The following HPSE2 variants were observed in gnomAD, a reference collection of about 807,000 sequenced individuals.
HPSE2 encodes inactive heparanase-2.
HPSE2 carries 38 observed loss-of-function variants against 60.5 expected under a neutral mutation model. The observed-to-expected ratio is 0.63, with a 90% confidence interval of 0.48 to 0.82. The LOEUF (loss-of-function observed/expected upper bound fraction) is 0.82. Among genes scored for constraint, HPSE2 ranks in the 40% least tolerant of loss-of-function variants. HPSE2 has a pLI of 0.00. For missense variants in HPSE2, 713 were observed against 740.4 expected (o/e 0.96, Z 0.43); for synonymous variants, 295 against 293.2 (o/e 1.01, Z -0.06).
chr10:98,889,649 A>G (rs2134925313), intron 3 of HPSE2, among the ~76,000 whole-genome samples: 1 of 152,328 alleles, frequency 6.6e-6, no homozygotes, highest in Admixed American at 6.5e-5. Context: ...TGCAAAAGTC[A>G]CTGGTCAAGG....
Position 99,039,348 on chromosome 10 carries a change from A to C in HPSE2, c.610+104890T>G, listed in dbSNP as rs574026725. 2.6e-5 allele frequency among the ~76,000 whole-genome samples: 4 copies of C among 152,194 alleles called. No individual in the cohort carries two copies. In the East Asian group the frequency reaches 7.7e-4, roughly 29 times the overall value. On this transcript the variant is annotated intron_variant, in intron 3 of 11. Coordinates refer to ENST00000370552, the MANE Select transcript of HPSE2 (RefSeq NM_021828.5). The stretch of plus-strand genomic sequence containing the variant: ...TCACTCCTTGCTACCACTTATCTCA[A>C]CTGTCTTGAATACGACACCAACCAT...
At chr10:98,960,740 ATTTT>A (rs63389761) in intron 3 of HPSE2, among the ~76,000 whole-genome samples, 1 of 95,918 alleles carries the variant, frequency 1.0e-5, no homozygotes, top group Non-Finnish European at 1.9e-5. Flanking sequence ...TTTTTATTTT[ATTTT>A]TTTTTTTATT....
intron 9 of HPSE2, among the ~76,000 whole-genome samples, chr10:98,528,377 C>T (rs2133793449): frequency 6.6e-6 from 1 of 152,250 alleles, no homozygotes; most frequent in Non-Finnish European, 1.5e-5. Flanking sequence ...TAGATACTTA[C>T]ATTCTCTGAG....
At chr10:98,868,078 A>G (rs866899475) in intron 3 of HPSE2, among the ~76,000 whole-genome samples, 1 of 140,220 alleles carries the variant, frequency 7.1e-6, no homozygotes, top group East Asian at 2.1e-4. Context: ...AGAAAGAAAG[A>G]AAATAAATAA....
intron 3 of HPSE2, among the ~76,000 whole-genome samples, chr10:98,886,825 A>G (rs140836658): frequency 2.2e-4 from 33 of 152,282 alleles, no homozygotes; most frequent in Non-Finnish European, 4.1e-4. Flanking sequence ...CCTCAATTCA[A>G]CAGGGAACTG....
chr10:99,160,372 G>C (rs576991568), intron 2 of HPSE2, among the ~76,000 whole-genome samples: 1 of 152,118 alleles, frequency 6.6e-6, no homozygotes, highest in Admixed American at 6.5e-5. Context: ...ACCACAATGA[G>C]ATACTACTAC....
chr10:98,513,899 C>G (rs1432154023), intron 9 of HPSE2, among the ~76,000 whole-genome samples: 1 of 152,096 alleles, frequency 6.6e-6, no homozygotes, highest in Non-Finnish European at 1.5e-5. Flanking sequence ...AATTCCACTC[C>G]TAGGCATATA....
At chr10:98,486,214 A>G (rs916109284) in intron 10 of HPSE2, among the ~76,000 whole-genome samples, 19 of 152,190 alleles carry the variant, frequency 1.2e-4, no homozygotes, top group Non-Finnish European at 2.2e-4. Context: ...CCAACCTGAA[A>G]GTAGTGTGTT....
chr10:99,111,401 T>C (rs1480447759), intron 3 of HPSE2, among the ~76,000 whole-genome samples: 1 of 152,154 alleles, frequency 6.6e-6, no homozygotes, highest in Non-Finnish European at 1.5e-5. Flanking sequence ...CTCCACAAAA[T>C]TAGGACCCAC....
intron 9 of HPSE2, among the ~76,000 whole-genome samples, chr10:98,600,775 C>T (rs1254641889): frequency 4.2e-5 from 6 of 144,420 alleles, no homozygotes; most frequent in Non-Finnish European, 6.1e-5. Context: ...CACATATATA[C>T]ATACATAAAC....
chr10:98,539,452 C>T (rs1943391473), intron 9 of HPSE2, among the ~76,000 whole-genome samples: 1 of 152,066 alleles, frequency 6.6e-6, no homozygotes, highest in Non-Finnish European at 1.5e-5. Context: ...ACCCGGGAGG[C>T]GGAGGTTGCA....
At position 98,977,543 on chromosome 10, in the gene HPSE2, T is replaced by A. The variant is rs539275012; in HGVS notation, c.610+166695A>T. On this transcript the variant is annotated intron_variant, in intron 3 of 11. Transcript: ENST00000370552. The stretch of plus-strand genomic sequence containing the variant: ...ATAACAGTGGGAAAATGGGATTCAT[T>A]GTAAATTCATAAGAGGAACAGCTGG... Among the ~76,000 whole-genome samples the A allele has an allele frequency of 1.1e-4, 17 of 152,310 alleles. No individual in the cohort carries two copies. The South Asian group carries it at 3.5e-3, about 32-fold the overall frequency.
Position 98,849,314 on chromosome 10 carries a change from T to C in HPSE2, c.611-105258A>G, listed in dbSNP as rs538288455. The stretch of plus-strand genomic sequence containing the variant: ...ATGCACACATCCATATACACACATA[T>C]ATAAGCACATGTGTGAAGGATAACA... On this transcript the variant is annotated intron_variant, in intron 3 of 11. Coordinates refer to ENST00000370552, the MANE Select transcript of HPSE2 (RefSeq NM_021828.5). 2.0e-5 allele frequency among the ~76,000 whole-genome samples: 3 copies of C among 152,322 alleles called. No homozygotes were observed. The South Asian group carries it at 6.2e-4, about 32-fold the overall frequency.
At chr10:99,101,761 G>A (rs1844002763) in intron 3 of HPSE2, among the ~76,000 whole-genome samples, 1 of 152,186 alleles carries the variant, frequency 6.6e-6, no homozygotes, top group South Asian at 2.1e-4. Context: ...AAATGTAAAA[G>A]AACAGAAATT....
Position 98,901,621 on chromosome 10 carries a change from G to A in HPSE2, c.611-157565C>T, listed in dbSNP as rs955953293. On this transcript the variant is annotated intron_variant, in intron 3 of 11. Transcript: ENST00000370552. Reference sequence around the variant, plus strand: ...ATATTTGGCCAAGTTCTGCCCTCTGGAACTACTCTCATATAATCTTTATTG... The same window carrying A: ...ATATTTGGCCAAGTTCTGCCCTCTGAAACTACTCTCATATAATCTTTATTG... Among the ~76,000 whole-genome samples the A allele has an allele frequency of 2.6e-5, 4 of 152,078 alleles. No individual in the cohort carries two copies. In the East Asian group the frequency reaches 5.8e-4, roughly 22 times the overall value.
chr10:98,620,516 G>A, intron 8 of HPSE2, 86 bp downstream of exon 8: 1 of 949,036 alleles, frequency 1.1e-6, no homozygotes, highest in South Asian at 1.3e-5. Context: ...TCACCCCTAG[G>A]ATGGGCAGAA....
At chr10:99,053,497 C>T (rs186614163) in intron 3 of HPSE2, among the ~76,000 whole-genome samples, 2 of 152,004 alleles carry the variant, frequency 1.3e-5, no homozygotes, top group Non-Finnish European at 2.9e-5. Flanking sequence ...AAGGAAACAA[C>T]AAAACGACAC....
At chr10:98,498,013 T>A (rs1383693893) in intron 9 of HPSE2, among the ~76,000 whole-genome samples, 3 of 152,194 alleles carry the variant, frequency 2.0e-5, no homozygotes, top group Non-Finnish European at 4.4e-5. Context: ...GCACTTTTGA[T>A]CCGAAAGACA....
intron 3 of HPSE2, among the ~76,000 whole-genome samples, chr10:98,806,910 G>A (rs767110929): frequency 3.9e-5 from 6 of 152,108 alleles, no homozygotes; most frequent in Non-Finnish European, 8.8e-5. Flanking sequence ...TTGGGAGGCC[G>A]AGGCAGGCGA....
Sources: allele counts gnomAD v4.1 joint callset (sites outside exome capture counted in the v4.1 genomes callset), GRCh38; gene constraint gnomAD v4.1.1; transcripts MANE v1.5; gene names NCBI Gene and HGNC (gene_info 2026-07-23, HGNC 2026-07-21).